Variants in TMCO1 observed in about 807,000 individuals in gnomAD.
The protein encoded by TMCO1 is transmembrane and coiled-coil domains 1, also known as calcium load-activated calcium channel.
Under a neutral mutation model 29.3 loss-of-function variants are expected in TMCO1, and 29 were observed. That is an observed-to-expected ratio of 0.99 (90% CI 0.74 to 1.35). TMCO1 has a LOEUF of 1.35. Among genes scored for constraint, TMCO1 ranks in the 40% most tolerant of loss-of-function variants. The probability of loss-of-function intolerance (pLI) is 0.00; values close to 1 mark genes in which losing one functional copy is unlikely to be tolerated. For missense variants in TMCO1, 173 were observed against 225.5 expected (o/e 0.77, Z 1.49); for synonymous variants, 80 against 77.1 (o/e 1.04, Z -0.20).
At chr1:165,752,204 A>T (rs1483764931) in intron 4 of TMCO1, 35 bp from the exon 5 acceptor site, 1 of 1,463,018 alleles carries the variant, frequency 6.8e-7, no homozygotes, top group Non-Finnish European at 9.4e-7. Flanking sequence ...ATTTTACACT[A>T]AAAAAAAACA....
intron 5 of TMCO1, among the ~76,000 whole-genome samples, chr1:165,747,404 C>T (rs1651841285): frequency 6.6e-6 from 1 of 151,654 alleles, no homozygotes; most frequent in Non-Finnish European, 1.5e-5. Flanking sequence ...GGCAGAAATA[C>T]CATGTTTCTG....
rs771145323 is a variant in TMCO1 at position 165,768,842 on chromosome 1, G to A, written c.-91C>T. ...AGCGAAAACGGCTTCCGTAGACTCC[G>A]CCACCACCGAGTAACAGACCAACTC... On this transcript the variant is annotated 5_prime_UTR_variant, in exon 1 of 7. Coordinates refer to ENST00000367881, the MANE Select transcript of TMCO1 (RefSeq NM_019026.6). 19 of 1,587,818 alleles carry A rather than the reference G, an allele frequency of 1.2e-5. No individual in the cohort carries two copies. The highest frequency in any genetic ancestry group is 3.6e-5 in the Admixed American group (2 of 54,916).
chr1:165,754,900 GGGAGGATTACTT>G (rs1434938363), intron 3 of TMCO1: 3 of 152,804 alleles, frequency 2.0e-5, no homozygotes, highest in Non-Finnish European at 4.4e-5. Context: ...AGGCTACAGT[GGGAGGATTACTT>G]GAGCCCAGGA....
intron 6 of TMCO1, among the ~76,000 whole-genome samples, chr1:165,730,059 C>T (rs921387093): frequency 4.0e-5 from 6 of 151,658 alleles, no homozygotes; most frequent in Admixed American, 6.6e-5. Flanking sequence ...CGGTGGCTCA[C>T]GCCTGTAATC....
At chr1:165,751,459 T>G (rs1261839234) in intron 5 of TMCO1, among the ~76,000 whole-genome samples, 1 of 152,082 alleles carries the variant, frequency 6.6e-6, no homozygotes, top group Admixed American at 6.5e-5. Context: ...ATCCCAGCAC[T>G]TTGGGAGGCC....
At chr1:165,757,891 TA>T (rs1157155037) in intron 3 of TMCO1, among the ~76,000 whole-genome samples, 1 of 152,238 alleles carries the variant, frequency 6.6e-6, no homozygotes, top group Non-Finnish European at 1.5e-5. Flanking sequence ...TGAATTCAGA[TA>T]CACCGTGTTG....
intron 5 of TMCO1, among the ~76,000 whole-genome samples, chr1:165,749,413 T>C (rs923978818): frequency 5.3e-5 from 8 of 152,228 alleles, no homozygotes; most frequent in African/African-American, 1.7e-4. Flanking sequence ...AAAAGATGAT[T>C]TATTCAACTA....
chr1:165,734,834 G>GT (rs1167484878), intron 6 of TMCO1, among the ~76,000 whole-genome samples: 2 of 151,946 alleles, frequency 1.3e-5, no homozygotes, highest in Non-Finnish European at 2.9e-5. Flanking sequence ...GTTTTGTTTT[G>GT]TTTTTTTGCA....
At chr1:165,752,777 AGAGT>A (rs890292580) in intron 4 of TMCO1, among the ~76,000 whole-genome samples, 2 of 151,606 alleles carry the variant, frequency 1.3e-5, no homozygotes, top group African/African-American at 4.9e-5. Flanking sequence ...CCCAGGCGAC[AGAGT>A]GAGACTCCGT....
chr1:165,735,325 C>G (rs760201728), intron 6 of TMCO1, among the ~76,000 whole-genome samples: 1 of 152,030 alleles, frequency 6.6e-6, no homozygotes, highest in Non-Finnish European at 1.5e-5. Flanking sequence ...AGGGCATAAC[C>G]CCAGTTGGCA....
chr1:165,749,305 C>T (rs993835278), intron 5 of TMCO1, among the ~76,000 whole-genome samples: 5 of 151,856 alleles, frequency 3.3e-5, no homozygotes, highest in African/African-American at 9.7e-5. Context: ...TTTTTTCCCC[C>T]GTATATGATT....
downstream of TMCO1, chr1:165,726,115 G>T: frequency 1.4e-6 from 1 of 696,318 alleles, no homozygotes; most frequent in South Asian, 1.5e-5. Context: ...TTTTATTTTA[G>T]CCATTTCATA....
At chr1:165,728,220 AT>A in intron 6 of TMCO1, 99 bp from the exon 7 acceptor site, 1 of 876,980 alleles carries the variant, frequency 1.1e-6, no homozygotes, top group Non-Finnish European at 1.8e-6. Flanking sequence ...ACTCATATAG[AT>A]TAAAGGAACC....
intron 6 of TMCO1, among the ~76,000 whole-genome samples, chr1:165,738,686 T>C (rs6696454): frequency 0.89 from 136,141 of 152,264 alleles, 60,983 homozygotes; most frequent in East Asian, 0.99. Flanking sequence ...AAACAATTTA[T>C]AATTAATAAA....
In TMCO1 at chr1:165,759,598, A is replaced by C. The variant is rs1472361415; in HGVS notation, c.149-14T>G. The C allele has an allele frequency of 1.2e-6, 2 of 1,606,362 alleles. No homozygotes were observed. The highest frequency in any genetic ancestry group is 8.5e-7 in the Non-Finnish European group (1 of 1,173,536). ...TCTTCTTTTCCACTGTAAACAACATAGTAACACAGTAAAAATTAACTGGAT... is the reference window on the plus strand; with the variant it reads ...TCTTCTTTTCCACTGTAAACAACATCGTAACACAGTAAAAATTAACTGGAT... On this transcript the variant is annotated splice_polypyrimidine_tract_variant and intron_variant, in intron 2 of 6. Coordinates refer to ENST00000367881, the MANE Select transcript of TMCO1 (RefSeq NM_019026.6).
intron 6 of TMCO1, among the ~76,000 whole-genome samples, chr1:165,728,874 A>T (rs1244292522): frequency 6.6e-6 from 1 of 152,090 alleles, no homozygotes; most frequent in Non-Finnish European, 1.5e-5. Flanking sequence ...AGGTGGGTAG[A>T]TCACTTGAGG....
At position 165,752,191 on chromosome 1, in the gene TMCO1, G is replaced by A. The variant is rs948737937; in HGVS notation, c.256-22C>T. On this transcript the variant is annotated intron_variant, in intron 4 of 6. Transcript: ENST00000367881. ...GAACCTGTAATGAGACGAACAAATT[G>A]TCATTTTACACTAAAAAAAAACACA... 3.2e-6 allele frequency: 5 copies of A among 1,586,692 alleles called. No homozygotes were observed. The African/African-American group carries it at 6.9e-5, about 22-fold the overall frequency.
chr1:165,760,446 AAAAT>A (rs1439167819), intron 2 of TMCO1, among the ~76,000 whole-genome samples: 1 of 152,068 alleles, frequency 6.6e-6, no homozygotes, highest in African/African-American at 2.4e-5. Flanking sequence ...AAAAAAAAAA[AAAAT>A]ACCAATTTTT....
intron 2 of TMCO1, among the ~76,000 whole-genome samples, chr1:165,762,603 T>C (rs1652436719): frequency 6.6e-6 from 1 of 152,216 alleles, no homozygotes; most frequent in Non-Finnish European, 1.5e-5. Flanking sequence ...TGTGGATATT[T>C]ATTCATCAGA....
Sources: gnomAD v4.1 joint callset for allele counts (sites outside exome capture counted in the v4.1 genomes callset) on GRCh38, gnomAD v4.1.1 for gene constraint, MANE v1.5 for transcripts, NCBI Gene and HGNC (gene_info 2026-07-23, HGNC 2026-07-21) for gene names.